Variants in IL4R observed in about 807,000 individuals in gnomAD.
The protein encoded by IL4R is interleukin 4 receptor.
A neutral mutation model predicts 41.5 loss-of-function variants in IL4R; 17 were observed. The ratio of observed to expected loss-of-function variants is 0.41; its 90% CI spans 0.28 to 0.61. IL4R has a LOEUF of 0.61. IL4R is among the 20% of genes least tolerant of loss of function. The pLI is 0.31. For missense variants in IL4R, 974 were observed against 1,043.1 expected, an observed-to-expected ratio of 0.93 and a Z score of 0.91; for synonymous variants, 402 against 422.9, an observed-to-expected ratio of 0.95 and a Z score of 0.61.
At chr16:27,318,626 T>G (rs1205318640) in intron 1 of IL4R, 2 of 152,238 alleles carry the variant, frequency 1.3e-5, no homozygotes, top group African/African-American at 4.8e-5. Context: ...TGACTCATTC[T>G]CTCTTTAGGT....
intron 2 of IL4R, among the ~76,000 whole-genome samples, chr16:27,339,730 G>A (rs755407634): frequency 8.5e-5 from 13 of 152,200 alleles, no homozygotes; most frequent in African/African-American, 2.6e-4. Context: ...CTCTGTGAAC[G>A]TGGAGGACCT....
intron 2 of IL4R, among the ~76,000 whole-genome samples, chr16:27,336,399 G>A (rs1221280966): frequency 2.0e-5 from 3 of 152,066 alleles, no homozygotes; most frequent in Admixed American, 6.6e-5. Flanking sequence ...AGGAAGGGCC[G>A]GGTACAGTGG....
chr16:27,350,560 G>A (rs900931225), intron 6 of IL4R, among the ~76,000 whole-genome samples: 5 of 152,048 alleles, frequency 3.3e-5, no homozygotes, highest in African/African-American at 9.7e-5. Context: ...AGAAACTGCC[G>A]GGGGCTGAGG....
At chr16:27,331,923 T>C (rs997147771) in intron 2 of IL4R, among the ~76,000 whole-genome samples, 5 of 152,132 alleles carry the variant, frequency 3.3e-5, no homozygotes, top group Non-Finnish European at 7.4e-5. Flanking sequence ...TTACATCTTC[T>C]TGGAGAATTA....
intron 5 of IL4R, among the ~76,000 whole-genome samples, chr16:27,346,204 AAC>A (rs1250732706): frequency 6.6e-6 from 1 of 152,176 alleles, no homozygotes; most frequent in Non-Finnish European, 1.5e-5. Flanking sequence ...CAGCCTGGGC[AAC>A]AGAGTGGGAC....
upstream of IL4R, chr16:27,313,941 G>A: frequency 1.0e-6 from 1 of 984,664 alleles, no homozygotes; most frequent in Non-Finnish European, 1.2e-6. Context: ...CCCGCGCGGC[G>A]CGGGCCAGGG....
intron 1 of IL4R, among the ~76,000 whole-genome samples, chr16:27,314,926 G>A (rs2141038379): frequency 6.6e-6 from 1 of 151,974 alleles, no homozygotes; most frequent in African/African-American, 2.4e-5. Flanking sequence ...CTCCCACCTC[G>A]GCCTCCCAAA....
chr16:27,342,746 C>T (rs3024546), intron 4 of IL4R, among the ~76,000 whole-genome samples: 14 of 152,042 alleles, frequency 9.2e-5, no homozygotes, highest in African/African-American at 2.9e-4. Context: ...CTCCTGCCTC[C>T]GCCTCCCAAA....
At chr16:27,338,789 T>A (rs2085343197) in intron 2 of IL4R, among the ~76,000 whole-genome samples, 1 of 152,064 alleles carries the variant, frequency 6.6e-6, no homozygotes, top group Admixed American at 6.6e-5. Context: ...CAGATCTGGA[T>A]CTCCTAGTGT....
chr16:27,341,272 C>T (rs745323859), intron 3 of IL4R: 4 of 619,174 alleles, frequency 6.5e-6, no homozygotes, highest in Middle Eastern at 2.5e-4. Context: ...GGGAAGGACG[C>T]GGTTGTCATT....
rs754048279 is a variant in IL4R at position 27,362,544 on chromosome 16, G to C, written c.1192G>C (p.Gly398Arg). 6.8e-6 allele frequency: 11 copies of C among 1,614,086 alleles called. No individual in the cohort carries two copies. The change falls in exon 11 of 11, where the codon GGA becomes CGA. Residue 398 changes from glycine (G) to arginine (R), a missense_variant. Coordinates refer to ENST00000395762, the MANE Select transcript of IL4R (RefSeq NM_000418.4). ...GAGCAGCAGGGATGACTTCCAGGAG[G>C]GAAGGGAGGGCATTGTGGCCCGGCT... is the stretch of plus-strand genomic sequence containing the variant. ...PESSRDDFQE[G>R]REGIVARLTE...
intron 10 of IL4R, 87 bp downstream of exon 10, chr16:27,360,902 T>TC: frequency 6.2e-7 from 1 of 1,611,354 alleles, no homozygotes; most frequent in Non-Finnish European, 8.5e-7. Flanking sequence ...ATGTCTGCCT[T>TC]CTCTTCCCTG....
intron 1 of IL4R, among the ~76,000 whole-genome samples, chr16:27,325,257 T>G (rs997476277): frequency 6.6e-6 from 1 of 151,566 alleles, no homozygotes; most frequent in Non-Finnish European, 1.5e-5. Flanking sequence ...ATTCCCTCCC[T>G]CACCCCGCCC....
chr16:27,323,548 C>T (rs761210607), intron 1 of IL4R, among the ~76,000 whole-genome samples: 79 of 152,328 alleles, frequency 5.2e-4, no homozygotes, highest in Middle Eastern at 3.4e-3. Flanking sequence ...GTTCCTGACC[C>T]TCTCTGGGCC....
chr16:27,350,557 G>T (rs1036816084), intron 6 of IL4R, among the ~76,000 whole-genome samples: 1 of 152,094 alleles, frequency 6.6e-6, no homozygotes, highest in African/African-American at 2.4e-5. Flanking sequence ...GGAAGAAACT[G>T]CCGGGGGCTG....
intron 8 of IL4R, 66 bp from the exon 9 acceptor site, chr16:27,358,849 CT>C: frequency 7.8e-7 from 1 of 1,278,772 alleles, no homozygotes. Flanking sequence ...ATAACGACCA[CT>C]TTTATGGGAG....
Position 27,362,801 on chromosome 16 carries a change from T to C in IL4R, c.1449T>C (p.Thr483=). ...CGACCCAGAGTCCAGACAACCTGACTTGCACAGAGACGCCCCTCGTCATCG... is the reference window on the plus strand; with the variant it reads ...CGACCCAGAGTCCAGACAACCTGACCTGCACAGAGACGCCCCTCGTCATCG... ...ASPTQSPDNL[T]CTETPLVIAG... is the part of the protein sequence containing the mutation. The change falls in exon 11 of 11, where the codon ACT becomes ACC. Residue 483 remains threonine, a synonymous_variant. Transcript: ENST00000395762. The C allele has an allele frequency of 6.2e-7, 1 of 1,614,128 alleles. No individual in the cohort carries two copies. Among genetic ancestry groups the C allele is most frequent in the Non-Finnish European group, 8.5e-7 (1 of 1,180,036 alleles).
chr16:27,347,646 A>AC (rs2085698734), intron 6 of IL4R, among the ~76,000 whole-genome samples: 1 of 152,068 alleles, frequency 6.6e-6, no homozygotes, highest in African/African-American at 2.4e-5. Flanking sequence ...ATTTCCTGCC[A>AC]CCCATGTTTC....
At chr16:27,319,852 A>G (rs1567303290) in intron 1 of IL4R, among the ~76,000 whole-genome samples, 1 of 152,074 alleles carries the variant, frequency 6.6e-6, no homozygotes. Context: ...TGCACATGTG[A>G]GGGATCTGGG....
Sources: gnomAD v4.1 joint callset for allele counts (sites outside exome capture counted in the v4.1 genomes callset) on GRCh38, gnomAD v4.1.1 for gene constraint, MANE v1.5 for transcripts, NCBI Gene and HGNC (gene_info 2026-07-23, HGNC 2026-07-21) for gene names.